RGS7: variants seen among roughly 807,000 people sequenced by gnomAD.
The protein encoded by RGS7 is regulator of G protein signaling 7.
Under a neutral mutation model 81.1 loss-of-function variants are expected in RGS7, and 27 were observed. The ratio of observed to expected loss-of-function variants is 0.33; its 90% CI spans 0.25 to 0.46. RGS7 has a LOEUF of 0.46. Ranked by LOEUF, RGS7 falls within the 20% of genes least tolerant of loss-of-function variation. The pLI, the probability that RGS7 is intolerant of heterozygous loss-of-function variation, is 1.00. For synonymous variants in RGS7, 208 were observed against 207.7 expected, an observed-to-expected ratio of 1.00 and a Z score of -0.01; for missense variants, 396 against 607.4, an observed-to-expected ratio of 0.65 and a Z score of 3.66.
chr1:240,971,809 G>C (rs965867541), intron 4 of RGS7, among the ~76,000 whole-genome samples: 7 of 152,144 alleles, frequency 4.6e-5, no homozygotes, highest in African/African-American at 1.7e-4. Flanking sequence ...CGATAATAAA[G>C]CGGTCATTTT....
At chr1:240,838,690 C>T (rs1004722634) in intron 9 of RGS7, among the ~76,000 whole-genome samples, 3 of 152,134 alleles carry the variant, frequency 2.0e-5, no homozygotes, top group Non-Finnish European at 4.4e-5. Context: ...CGCATTCTTA[C>T]TTAATCATAT....
chr1:240,998,946 G>C (rs1252918482), intron 3 of RGS7, among the ~76,000 whole-genome samples: 1 of 152,044 alleles, frequency 6.6e-6, no homozygotes, highest in Admixed American at 6.5e-5. Flanking sequence ...TAGATCTTTT[G>C]TTATAAACCC....
chr1:240,901,417 GGAACAA>G (rs1669994802), intron 6 of RGS7, among the ~76,000 whole-genome samples: 1 of 152,136 alleles, frequency 6.6e-6, no homozygotes, highest in Non-Finnish European at 1.5e-5. Context: ...CAGCCATCTT[GGAACAA>G]GAACCAAAAC....
At chr1:241,327,728 T>C (rs1192668409) in intron 2 of RGS7, among the ~76,000 whole-genome samples, 5 of 151,866 alleles carry the variant, frequency 3.3e-5, no homozygotes. Flanking sequence ...AGAATAAACG[T>C]ATGTAGGTAT....
intron 4 of RGS7, among the ~76,000 whole-genome samples, chr1:240,956,081 C>G (rs927797722): frequency 1.3e-5 from 2 of 152,120 alleles, no homozygotes; most frequent in African/African-American, 4.8e-5. Flanking sequence ...CAAAATGAAC[C>G]TTTATACATA....
intron 2 of RGS7, among the ~76,000 whole-genome samples, chr1:241,151,617 C>T (rs111818618): frequency 0.04 from 5,561 of 139,320 alleles, 352 homozygotes; most frequent in African/African-American, 0.14. Flanking sequence ...ATGTGCAGAA[C>T]GTGCAGTTTT....
chr1:241,283,477 C>T (rs1374472108), intron 2 of RGS7, among the ~76,000 whole-genome samples: 11 of 152,122 alleles, frequency 7.2e-5, no homozygotes, highest in Admixed American at 2.6e-4. Flanking sequence ...TTCCTTCTGG[C>T]TTCCAATGTT....
At chr1:240,833,058 TAATAA>T (rs1201579217) in intron 9 of RGS7, among the ~76,000 whole-genome samples, 2 of 152,108 alleles carry the variant, frequency 1.3e-5, no homozygotes, top group African/African-American at 2.4e-5. Flanking sequence ...CAATAACTAA[TAATAA>T]AATAGAAAAC....
intron 4 of RGS7, among the ~76,000 whole-genome samples, chr1:240,964,302 C>T (rs933198625): frequency 3.3e-5 from 5 of 152,100 alleles, no homozygotes; most frequent in Non-Finnish European, 5.9e-5. Context: ...AATAGGAGAT[C>T]GATCCGATTA....
chr1:240,976,948 A>G (rs1447574076), intron 4 of RGS7, among the ~76,000 whole-genome samples: 1 of 151,660 alleles, frequency 6.6e-6, no homozygotes, highest in Non-Finnish European at 1.5e-5. Flanking sequence ...CTATCTATAT[A>G]TCTATATCTT....
chr1:241,184,795 T>G (rs1161890834), intron 2 of RGS7, among the ~76,000 whole-genome samples: 3 of 152,090 alleles, frequency 2.0e-5, no homozygotes, highest in Non-Finnish European at 4.4e-5. Context: ...ACACTTTTGG[T>G]CTGAAGCATT....
At position 241,189,898 on chromosome 1, in the gene RGS7, A is replaced by G. The variant is rs372850706; in HGVS notation, c.79-91136T>C. On this transcript the variant is annotated intron_variant, in intron 2 of 18. Transcript: ENST00000440928. Reference sequence around the variant, plus strand: ...TGGGAGGCCAAGGCGGGCGGATCACAAGGTCAGGAGATCGAGCCCACGGTG... The same window carrying G: ...TGGGAGGCCAAGGCGGGCGGATCACGAGGTCAGGAGATCGAGCCCACGGTG... Among the ~76,000 whole-genome samples the G allele has an allele frequency of 2.3e-3, 347 of 151,906 alleles. 5 individuals carry two copies. Among genetic ancestry groups the G allele is most frequent in the African/African-American group, 7.3e-3 (303 of 41,342 alleles).
intron 2 of RGS7, among the ~76,000 whole-genome samples, chr1:241,103,007 A>T (rs1383577782): frequency 7.5e-6 from 1 of 133,698 alleles, no homozygotes; most frequent in East Asian, 1.9e-4. Context: ...TGCTACAAGC[A>T]AGCAAAAAAA....
chr1:241,327,040 G>A (rs6691612), intron 2 of RGS7, among the ~76,000 whole-genome samples: 408 of 8,140 alleles, frequency 0.05, 45 homozygotes, highest in African/African-American at 0.11. Flanking sequence ...GGAAGGAAGG[G>A]AGGGAGGGGA....
chr1:241,312,074 A>T (rs1045777599), intron 2 of RGS7, among the ~76,000 whole-genome samples: 2 of 152,256 alleles, frequency 1.3e-5, no homozygotes. Context: ...GGAAATTAAG[A>T]TCAATAACCA....
intron 2 of RGS7, among the ~76,000 whole-genome samples, chr1:241,216,014 G>A (rs1246599598): frequency 6.6e-6 from 1 of 152,212 alleles, no homozygotes; most frequent in East Asian, 1.9e-4. Flanking sequence ...GCTCACGCCT[G>A]TCATCCCAGC....
intron 2 of RGS7, among the ~76,000 whole-genome samples, chr1:241,307,917 A>G (rs2080275295): frequency 6.6e-6 from 1 of 152,214 alleles, no homozygotes; most frequent in Non-Finnish European, 1.5e-5. Context: ...ATAGAAGACA[A>G]TAAGGAAATG....
chr1:240,930,219 T>C (rs952815283), intron 6 of RGS7, among the ~76,000 whole-genome samples: 1 of 142,212 alleles, frequency 7.0e-6, no homozygotes, highest in Non-Finnish European at 1.5e-5. Context: ...TTTTCTTTTT[T>C]AGCTTTTTTT....
At chr1:240,792,978 C>A (rs1353436887) in intron 18 of RGS7, among the ~76,000 whole-genome samples, 2 of 151,998 alleles carry the variant, frequency 1.3e-5, no homozygotes, top group Non-Finnish European at 2.9e-5. Context: ...CATACAGAGC[C>A]CCCAGGATGG....
Sources: allele counts gnomAD v4.1 joint callset (sites outside exome capture counted in the v4.1 genomes callset), GRCh38; gene constraint gnomAD v4.1.1; transcripts MANE v1.5; gene names NCBI Gene and HGNC (gene_info 2026-07-23, HGNC 2026-07-21).